The following QTMAN variants were observed in gnomAD, a reference collection of about 807,000 sequenced individuals.
QTMAN encodes queuosine-tRNA mannosyltransferase.
At chr2:144,024,398 C>G in the QTMAN span, among the ~76,000 whole-genome samples, 1 of 152,254 alleles carries the variant, frequency 6.6e-6, no homozygotes, top group African/African-American at 2.4e-5. Context: ...GTTATGTATA[C>G]ACTATTCTAT....
the QTMAN span, among the ~76,000 whole-genome samples, chr2:143,987,012 A>C: frequency 1.3e-5 from 2 of 152,172 alleles, no homozygotes; most frequent in South Asian, 4.1e-4. Flanking sequence ...ATAATAAATA[A>C]AAGTGCAACT....
At chr2:144,234,191 A>C in the QTMAN span, among the ~76,000 whole-genome samples, 1 of 152,154 alleles carries the variant, frequency 6.6e-6, no homozygotes. Context: ...TAAAGAATTA[A>C]ACCACAAATC....
the QTMAN span, among the ~76,000 whole-genome samples, chr2:144,248,575 A>T: frequency 6.6e-6 from 1 of 152,206 alleles, no homozygotes; most frequent in Non-Finnish European, 1.5e-5. Context: ...CCTGCTTTGT[A>T]TCGCAGGTAA....
chr2:144,006,721 T>C, the QTMAN span: 2 of 154,338 alleles, frequency 1.3e-5, no homozygotes, highest in Admixed American at 1.3e-4. Context: ...AATGTACTGA[T>C]ATACATCTTA....
chr2:144,191,236 C>T, the QTMAN span, among the ~76,000 whole-genome samples: 2 of 152,234 alleles, frequency 1.3e-5, no homozygotes, highest in African/African-American at 2.4e-5. Context: ...AGAATCCAAA[C>T]GAGAAAAGTG....
the QTMAN span, among the ~76,000 whole-genome samples, chr2:144,161,067 C>T: frequency 0.021 from 3,233 of 152,010 alleles, 45 homozygotes; most frequent in Middle Eastern, 0.048. Flanking sequence ...GAGTATGGCA[C>T]GAAAGAAAAG....
At chr2:144,239,155 T>A in the QTMAN span, among the ~76,000 whole-genome samples, 2 of 146,016 alleles carry the variant, frequency 1.4e-5, no homozygotes, top group Admixed American at 6.9e-5. Flanking sequence ...ATATACGCAC[T>A]GTTAAAAAAA....
chr2:144,116,096 T>C, the QTMAN span, among the ~76,000 whole-genome samples: 4 of 152,220 alleles, frequency 2.6e-5, no homozygotes, highest in South Asian at 8.3e-4. Context: ...AATATATCCA[T>C]GCAAAACACA....
At chr2:144,131,378 G>C in the QTMAN span, among the ~76,000 whole-genome samples, 419 of 151,880 alleles carry the variant, frequency 2.8e-3, 1 homozygote, top group Non-Finnish European at 4.6e-3. Context: ...CAGTTTATTT[G>C]TGTGCTTCCT....
the QTMAN span, chr2:143,941,508 A>C: frequency 1.3e-5 from 2 of 152,180 alleles, no homozygotes; most frequent in African/African-American, 4.8e-5. Context: ...CCCCGTCTCT[A>C]CTAAAAATAC....
At chr2:144,022,069 T>C in the QTMAN span, among the ~76,000 whole-genome samples, 2 of 152,184 alleles carry the variant, frequency 1.3e-5, no homozygotes, top group African/African-American at 4.8e-5. Flanking sequence ...TTTTGCTTTT[T>C]ATTATAAACC....
chr2:144,280,564 TAAAG>T, the QTMAN span, among the ~76,000 whole-genome samples: 48 of 151,930 alleles, frequency 3.2e-4, no homozygotes, highest in Non-Finnish European at 4.7e-4. Flanking sequence ...AAAGAAATCA[TAAAG>T]AAAAAGAAAC....
the QTMAN span, chr2:144,210,932 A>T: frequency 6.6e-6 from 1 of 152,176 alleles, no homozygotes; most frequent in Non-Finnish European, 1.5e-5. Context: ...AGGTCTCTAA[A>T]AGGCTCTTGT....
At chr2:144,119,721 G>A in the QTMAN span, among the ~76,000 whole-genome samples, 1 of 152,146 alleles carries the variant, frequency 6.6e-6, no homozygotes, top group Non-Finnish European at 1.5e-5. Flanking sequence ...GCTGTCTCAA[G>A]AAACAAAGAA....
At chr2:144,096,496 C>T in the QTMAN span, among the ~76,000 whole-genome samples, 2 of 152,130 alleles carry the variant, frequency 1.3e-5, no homozygotes, top group Non-Finnish European at 1.5e-5. Context: ...TACTTTCATC[C>T]CTCTCAGTTT....
the QTMAN span, among the ~76,000 whole-genome samples, chr2:143,967,384 G>A: frequency 1.3e-5 from 2 of 151,244 alleles, no homozygotes; most frequent in South Asian, 4.2e-4. Context: ...AGGCTGGAGT[G>A]CAATGGCATG....
chr2:144,298,625 G>C, the QTMAN span, among the ~76,000 whole-genome samples: 1 of 152,172 alleles, frequency 6.6e-6, no homozygotes, highest in Non-Finnish European at 1.5e-5. Flanking sequence ...GTCAGTGAAG[G>C]AAGGAACAGG....
the QTMAN span, among the ~76,000 whole-genome samples, chr2:144,216,877 G>C: frequency 6.6e-6 from 1 of 152,052 alleles, no homozygotes; most frequent in African/African-American, 2.4e-5. Context: ...TTTGAGAAGT[G>C]GAAGTAGGAT....
chr2:144,058,128 C>T, the QTMAN span, among the ~76,000 whole-genome samples: 7 of 124,854 alleles, frequency 5.6e-5, no homozygotes, highest in South Asian at 2.6e-4. Flanking sequence ...TCCCCCACCC[C>T]GCTAAACACA....
Sources: allele counts gnomAD v4.1 joint callset (sites outside exome capture counted in the v4.1 genomes callset), GRCh38; gene constraint gnomAD v4.1.1; transcripts MANE v1.5; gene names NCBI Gene and HGNC (gene_info 2026-07-23, HGNC 2026-07-21).